Variants in EFL1 observed in about 807,000 individuals in gnomAD.
EFL1 encodes elongation factor like GTPase 1.
Under a neutral mutation model 126.7 loss-of-function variants are expected in EFL1, and 76 were observed. The ratio of observed to expected loss-of-function variants is 0.60; its 90% CI spans 0.50 to 0.73. The LOEUF (loss-of-function observed/expected upper bound fraction) is 0.73. Ranked by LOEUF, EFL1 falls within the 30% of genes least tolerant of loss-of-function variation. The pLI, the probability that EFL1 is intolerant of heterozygous loss-of-function variation, is 0.00. For missense variants in EFL1, 1,128 were observed against 1,343.2 expected (o/e 0.84, Z 2.50); for synonymous variants, 410 against 448.4 (o/e 0.91, Z 1.08).
At chr15:82,216,963 T>C (rs2074653898) in intron 14 of EFL1, among the ~76,000 whole-genome samples, 1 of 151,982 alleles carries the variant, frequency 6.6e-6, no homozygotes, top group African/African-American at 2.4e-5. Context: ...AAAGGACATC[T>C]GAAAAGCAGT....
At chr15:82,142,010 C>T (rs1190605161) in intron 18 of EFL1, among the ~76,000 whole-genome samples, 1 of 152,186 alleles carries the variant, frequency 6.6e-6, no homozygotes, top group Non-Finnish European at 1.5e-5. Flanking sequence ...CTTCCAAACA[C>T]ACTTGGTTCT....
chr15:82,251,029 T>C (rs1410932273), intron 4 of EFL1, among the ~76,000 whole-genome samples: 2 of 151,858 alleles, frequency 1.3e-5, no homozygotes, highest in East Asian at 3.9e-4. Context: ...CTGGCCAACA[T>C]GGTGAAACCC....
chr15:82,239,906 A>G (rs8033313), intron 6 of EFL1, among the ~76,000 whole-genome samples: 21,421 of 152,126 alleles, frequency 0.14, 1,713 homozygotes, highest in South Asian at 0.38. Flanking sequence ...TATCACACCC[A>G]GGACTTATCT....
chr15:82,177,827 A>G (rs1379324300), intron 15 of EFL1, among the ~76,000 whole-genome samples: 1 of 152,210 alleles, frequency 6.6e-6, no homozygotes, highest in Non-Finnish European at 1.5e-5. Context: ...AAATAATCTC[A>G]GCTCACATCA....
At chr15:82,229,731 A>T (rs2074801737) in intron 8 of EFL1, among the ~76,000 whole-genome samples, 1 of 152,212 alleles carries the variant, frequency 6.6e-6, no homozygotes, top group African/African-American at 2.4e-5. Flanking sequence ...AGCATCATGA[A>T]GACATAAAAC....
chr15:82,228,199 G>C lies in EFL1; in HGVS notation c.1061C>G (p.Ala354Gly). 1 of 1,610,312 alleles carries C rather than the reference G, an allele frequency of 6.2e-7. No individual in the cohort carries two copies. Among genetic ancestry groups the C allele is most frequent in the Non-Finnish European group, 8.5e-7 (1 of 1,179,114 alleles). ...ICSQWLPISH[A>G]VLAMVCQKLP... ...ATTAGAATAAAGGATACCAAGAACAGCATGGGATATGGGTAGCCACTGACT... is the reference window on the plus strand; with the variant it reads ...ATTAGAATAAAGGATACCAAGAACACCATGGGATATGGGTAGCCACTGACT... The change falls in exon 10 of 20, where the codon GCT becomes GGT. Residue 354 changes from alanine (A) to glycine (G), a missense_variant. By Grantham distance (60) the Ala-to-Gly change is moderately conservative (BLOSUM62 0). Around this residue, in one of 6 missense-constraint regions of EFL1, gnomAD observed 316 missense variants for 318.5 expected, o/e 0.99. Transcript: ENST00000268206.
chr15:82,200,576 G>A (rs2074457222), intron 15 of EFL1, among the ~76,000 whole-genome samples: 1 of 127,740 alleles, frequency 7.8e-6, no homozygotes, highest in African/African-American at 3.6e-5. Flanking sequence ...ACATCAAATG[G>A]CCTCACCTTT....
chr15:82,226,891 C>T (rs183102367), intron 11 of EFL1, among the ~76,000 whole-genome samples: 3 of 152,026 alleles, frequency 2.0e-5, no homozygotes, highest in Non-Finnish European at 2.9e-5. Context: ...CAGGGAGACA[C>T]GAAGAAAAGC....
In EFL1 at chr15:82,259,080, T is replaced by C; in HGVS notation, c.159+8A>G. 1 of 1,612,196 alleles carries C rather than the reference T, an allele frequency of 6.2e-7. No homozygotes were observed. Among genetic ancestry groups the C allele is most frequent in the Non-Finnish European group, 8.5e-7 (1 of 1,178,486 alleles). On this transcript the variant is annotated splice_region_variant and intron_variant, in intron 3 of 19. Coordinates refer to ENST00000268206, the MANE Select transcript of EFL1 (RefSeq NM_024580.6). ...AATGCAACAAGTATTTATAAAATAA[T>C]AACATACCTTGCCTGCTAGGCGGCT...
At chr15:82,203,990 T>C (rs1320109028) in intron 15 of EFL1, among the ~76,000 whole-genome samples, 1 of 152,212 alleles carries the variant, frequency 6.6e-6, no homozygotes, top group Admixed American at 6.5e-5. Context: ...GTCAAGTATT[T>C]TTTCAAGTGG....
At chr15:82,259,447 C>T (rs1184202563) in intron 2 of EFL1, among the ~76,000 whole-genome samples, 8 of 152,160 alleles carry the variant, frequency 5.3e-5, no homozygotes, top group Admixed American at 1.3e-4. Flanking sequence ...TGCCATATTT[C>T]CCCATGCATG....
intron 18 of EFL1, among the ~76,000 whole-genome samples, chr15:82,150,591 C>T (rs978870021): frequency 1.3e-5 from 2 of 152,088 alleles, no homozygotes; most frequent in Non-Finnish European, 2.9e-5. Flanking sequence ...TGAACTAATA[C>T]CAGTGAAAAG....
At chr15:82,214,877 A>C in intron 14 of EFL1, 22 bp from the exon 15 acceptor site, 5 of 1,595,532 alleles carry the variant, frequency 3.1e-6, no homozygotes, top group Non-Finnish European at 4.3e-6. Context: ...AAAATGATGG[A>C]AGACAAGTTA....
intron 15 of EFL1, among the ~76,000 whole-genome samples, chr15:82,208,300 GT>G (rs1395500825): frequency 6.6e-6 from 1 of 152,128 alleles, no homozygotes; most frequent in African/African-American, 2.4e-5. Context: ...TAATTCTTAC[GT>G]CATATACACA....
chr15:82,191,720 G>A (rs1379885161), intron 15 of EFL1, among the ~76,000 whole-genome samples: 1 of 152,084 alleles, frequency 6.6e-6, no homozygotes, highest in Non-Finnish European at 1.5e-5. Context: ...TTTTGGTCAA[G>A]TGCCACAGTT....
intron 15 of EFL1, among the ~76,000 whole-genome samples, chr15:82,211,733 A>G (rs980211287): frequency 2.0e-5 from 3 of 152,068 alleles, no homozygotes; most frequent in African/African-American, 7.2e-5. Context: ...TACGCTACAC[A>G]TTTTTAATCA....
At chr15:82,241,140 G>C in intron 5 of EFL1, 130 bp downstream of exon 5, 1 of 1,060,440 alleles carries the variant, frequency 9.4e-7, no homozygotes, top group African/African-American at 1.6e-5. Context: ...CTCCTTCACA[G>C]ACTGGAACGT....
intron 8 of EFL1, 112 bp downstream of exon 8, chr15:82,230,736 G>A: frequency 7.6e-7 from 1 of 1,312,294 alleles, no homozygotes; most frequent in Non-Finnish European, 1.0e-6. Flanking sequence ...AATCCCTCAT[G>A]AACTCACCTG....
intron 7 of EFL1, among the ~76,000 whole-genome samples, chr15:82,232,381 G>A (rs1326748487): frequency 6.6e-6 from 1 of 151,988 alleles, no homozygotes. Flanking sequence ...CCTGATATAG[G>A]ACCAATTTTT....
Sources: allele counts gnomAD v4.1 joint callset (sites outside exome capture counted in the v4.1 genomes callset), GRCh38; gene constraint gnomAD v4.1.1; regional missense constraint gnomAD v4.1.1; transcripts MANE v1.5; gene names NCBI Gene and HGNC (gene_info 2026-07-23, HGNC 2026-07-21).